Variants in TLK2 observed in about 807,000 individuals in gnomAD.
TLK2 encodes the protein tousled like kinase 2.
Under a neutral mutation model 117.3 loss-of-function variants are expected in TLK2, and 6 were observed. The observed-to-expected ratio is 0.05, with a 90% CI of 0.03 to 0.10. The LOEUF is 0.10. Ranked by LOEUF, TLK2 falls within the 10% of genes least tolerant of loss-of-function variation. The pLI is 1.00. For missense variants in TLK2, 299 were observed against 901.2 expected (o/e 0.33, Z 8.56); for synonymous variants, 257 against 316.7 (o/e 0.81, Z 2.00).
At chr17:62,541,192 T>A (rs1456506237) in intron 7 of TLK2, among the ~76,000 whole-genome samples, 1 of 152,190 alleles carries the variant, frequency 6.6e-6, no homozygotes, top group Non-Finnish European at 1.5e-5. Context: ...GTTACTGAGC[T>A]CCTAGGCCCT....
At position 62,582,130 on chromosome 17, in the gene TLK2, A is replaced by T. The variant is rs141709836; in HGVS notation, c.1368+1938A>T. On this transcript the variant is annotated intron_variant, in intron 15 of 21. Transcript: ENST00000346027. ...CCTGGGAGATGTTGAGTTAGTGGAAAACATTTGGCTGTGTTTTCAATTTCT... is the reference window on the plus strand; with the variant it reads ...CCTGGGAGATGTTGAGTTAGTGGAATACATTTGGCTGTGTTTTCAATTTCT... 4.4e-3 allele frequency among the ~76,000 whole-genome samples: 665 copies of T among 152,304 alleles called. 5 individuals are homozygous for T. The highest frequency in any genetic ancestry group is 0.015 in the African/African-American group (634 of 41,572).
intron 16 of TLK2, among the ~76,000 whole-genome samples, chr17:62,587,884 T>A (rs2146934973): frequency 6.6e-6 from 1 of 152,168 alleles, no homozygotes; most frequent in Middle Eastern, 3.4e-3. Flanking sequence ...TAAGAATGCC[T>A]AAGGGTGTTG....
chr17:62,603,076 CAT>C (rs2082991861), intron 19 of TLK2, among the ~76,000 whole-genome samples: 1 of 152,172 alleles, frequency 6.6e-6, no homozygotes, highest in Admixed American at 6.6e-5. Flanking sequence ...AGGGGCAACA[CAT>C]GTTATTTGTA....
chr17:62,552,903 T>C (rs1481316843), intron 8 of TLK2, among the ~76,000 whole-genome samples: 2 of 152,234 alleles, frequency 1.3e-5, no homozygotes. Flanking sequence ...GTATTCCTTT[T>C]CCTGCTTACT....
intron 3 of TLK2, among the ~76,000 whole-genome samples, chr17:62,521,075 G>A (rs530136381): frequency 6.6e-6 from 1 of 152,242 alleles, no homozygotes; most frequent in South Asian, 2.1e-4. Context: ...TCGGAGGATC[G>A]TTTGCACCCG....
intron 6 of TLK2, among the ~76,000 whole-genome samples, chr17:62,525,677 T>C (rs542145858): frequency 4.6e-5 from 7 of 152,254 alleles, no homozygotes; most frequent in East Asian, 1.9e-4. Flanking sequence ...CTCAAACTCC[T>C]GAGATCATGT....
rs1476606361 is a variant in TLK2 at position 62,479,156 on chromosome 17, G to C, written c.-140G>C. 3.3e-5 allele frequency: 5 copies of C among 150,920 alleles called. No homozygotes were observed. The highest frequency in any genetic ancestry group is 5.9e-5 in the Non-Finnish European group (4 of 67,446). The allele number at this position is 150,920 out of a possible 1,614,324, so 9.3% of individuals were successfully genotyped here. A position where few individuals can be genotyped will look rare whatever the true frequency, so the allele number is the denominator to read the frequency against. ...CGGCGCCGGCGGCGGCTGCCCGGGC[G>C]GGGGGTTGCGGCGCTCAGGAGAGGC... is the stretch of plus-strand genomic sequence containing the variant. On this transcript the variant is annotated 5_prime_UTR_variant, in exon 1 of 22. Transcript: ENST00000346027.
At chr17:62,555,872 C>G (rs143940344) in intron 9 of TLK2, among the ~76,000 whole-genome samples, 1 of 152,238 alleles carries the variant, frequency 6.6e-6, no homozygotes, top group African/African-American at 2.4e-5. Context: ...TGTGCGCTCC[C>G]CAGTCCCCGC....
intron 7 of TLK2, among the ~76,000 whole-genome samples, chr17:62,546,485 G>T (rs1305857757): frequency 6.9e-6 from 1 of 145,562 alleles, no homozygotes; most frequent in East Asian, 2.0e-4. Flanking sequence ...TGCTATTCAT[G>T]TTTCTTTTCT....
At chr17:62,502,835 A>T (rs1449486683) in intron 2 of TLK2, among the ~76,000 whole-genome samples, 2 of 152,190 alleles carry the variant, frequency 1.3e-5, no homozygotes, top group African/African-American at 4.8e-5. Context: ...AAATTATTTT[A>T]TATTCTTGTT....
chr17:62,597,967 G>C (rs1229036112), intron 17 of TLK2, among the ~76,000 whole-genome samples: 1 of 152,138 alleles, frequency 6.6e-6, no homozygotes, highest in East Asian at 1.9e-4. Context: ...GTTTTGGTCT[G>C]TTCTAGCCAA....
intron 11 of TLK2, among the ~76,000 whole-genome samples, chr17:62,568,257 C>T (rs1175769088): frequency 2.6e-5 from 4 of 151,758 alleles, no homozygotes; most frequent in African/African-American, 9.7e-5. Context: ...AATGATGAAA[C>T]CCTGTCTTTA....
chr17:62,512,213 C>CTTTTTTTTT (rs35913164), intron 2 of TLK2, among the ~76,000 whole-genome samples: 1 of 40,616 alleles, frequency 2.5e-5, no homozygotes, highest in Non-Finnish European at 4.5e-5. Context: ...ATCACCCCTC[C>CTTTTTTTTT]TTTTTTTTTT....
intron 7 of TLK2, among the ~76,000 whole-genome samples, chr17:62,536,860 G>C (rs564398838): frequency 1.3e-5 from 2 of 152,130 alleles, no homozygotes; most frequent in Non-Finnish European, 2.9e-5. Context: ...GGAATATTTG[G>C]CTACCTGTTC....
At chr17:62,532,300 T>C (rs1227794757) in intron 6 of TLK2, among the ~76,000 whole-genome samples, 2 of 152,046 alleles carry the variant, frequency 1.3e-5, no homozygotes, top group Non-Finnish European at 2.9e-5. Flanking sequence ...ACAGAAATGT[T>C]TTTAAATCTT....
At chr17:62,516,712 C>T in intron 2 of TLK2, 1 of 1,602,314 alleles carries the variant, frequency 6.2e-7, no homozygotes, top group South Asian at 1.1e-5. Context: ...CACCATGACT[C>T]CCTCCTTAAA....
intron 19 of TLK2, among the ~76,000 whole-genome samples, chr17:62,602,448 TAC>T (rs986698567): frequency 6.6e-6 from 1 of 152,230 alleles, no homozygotes; most frequent in East Asian, 1.9e-4. Context: ...ATGTTTTTTG[TAC>T]AGAGTTGGCC....
At chr17:62,531,430 CCTGT>C (rs1483211851) in intron 6 of TLK2, among the ~76,000 whole-genome samples, 9 of 152,124 alleles carry the variant, frequency 5.9e-5, no homozygotes, top group African/African-American at 1.4e-4. Flanking sequence ...TATTTTCAAG[CCTGT>C]CTTTTATTTT....
rs1473119240 is a variant in TLK2 at position 62,524,339 on chromosome 17, T to C, written c.363+8T>C. On this transcript the variant is annotated splice_region_variant and intron_variant, in intron 6 of 21. Coordinates refer to ENST00000346027, the MANE Select transcript of TLK2 (RefSeq NM_006852.6). ...TTATCCAATCCCTTACCGGTAAGCA[T>C]TCACCTGGAGAAATTTGACACCTGT... The C allele has an allele frequency of 6.2e-7, 1 of 1,604,320 alleles. No homozygotes were observed.
Sources: gnomAD v4.1 joint callset for allele counts (sites outside exome capture counted in the v4.1 genomes callset) on GRCh38, gnomAD v4.1.1 for gene constraint, MANE v1.5 for transcripts, NCBI Gene and HGNC (gene_info 2026-07-23, HGNC 2026-07-21) for gene names.